The following GALNTL6 variants were observed in gnomAD, a reference collection of about 807,000 sequenced individuals.
GALNTL6 encodes polypeptide N-acetylgalactosaminyltransferase like 6.
Under a neutral mutation model 73.7 loss-of-function variants are expected in GALNTL6, and 46 were observed. The observed-to-expected ratio is 0.62, with a 90% CI of 0.49 to 0.80. The LOEUF (loss-of-function observed/expected upper bound fraction) is 0.80. Ranked by LOEUF, GALNTL6 falls within the 30% of genes least tolerant of loss-of-function variation. The pLI is 0.00. For synonymous variants in GALNTL6, 259 were observed against 263.7 expected, an observed-to-expected ratio of 0.98 and a Z score of 0.17; for missense variants, 604 against 755.0, an observed-to-expected ratio of 0.80 and a Z score of 2.34.
chr4:172,598,291 T>C (rs1737937805), intron 5 of GALNTL6, among the ~76,000 whole-genome samples: 1 of 152,158 alleles, frequency 6.6e-6, no homozygotes, highest in Non-Finnish European at 1.5e-5. Context: ...TAAGAGAACC[T>C]GTCATTTTTC....
At chr4:172,500,116 C>T (rs1734208361) in intron 5 of GALNTL6, among the ~76,000 whole-genome samples, 1 of 152,134 alleles carries the variant, frequency 6.6e-6, no homozygotes, top group Non-Finnish European at 1.5e-5. Context: ...CAAGACATAT[C>T]ATTGTTAAAC....
intron 8 of GALNTL6, among the ~76,000 whole-genome samples, chr4:172,912,656 G>A (rs1008164268): frequency 1.2e-4 from 19 of 152,178 alleles, no homozygotes; most frequent in Admixed American, 2.0e-4. Flanking sequence ...AGGCCGCAGC[G>A]AGGGTGGGGG....
chr4:172,755,249 G>GATAGATAGATAC (rs1737685578), intron 5 of GALNTL6, among the ~76,000 whole-genome samples: 1 of 150,232 alleles, frequency 6.7e-6, no homozygotes, highest in South Asian at 2.1e-4. Flanking sequence ...TAGATAGATA[G>GATAGATAGATAC]ATAGATAGAT....
chr4:172,229,585 C>T, intron 2 of GALNTL6, 71 bp from the exon 3 acceptor site: 1 of 828,752 alleles, frequency 1.2e-6, no homozygotes, highest in Non-Finnish European at 2.0e-6. Flanking sequence ...TATTATGTGC[C>T]CGGCTGTGTT....
chr4:171,971,280 A>G (rs1288431940), intron 2 of GALNTL6, among the ~76,000 whole-genome samples: 1 of 152,188 alleles, frequency 6.6e-6, no homozygotes, highest in Non-Finnish European at 1.5e-5. Flanking sequence ...CCTCTGAATG[A>G]AGGCCTAGAA....
At chr4:172,206,012 GA>G (rs1736099123) in intron 2 of GALNTL6, among the ~76,000 whole-genome samples, 1 of 152,016 alleles carries the variant, frequency 6.6e-6, no homozygotes, top group South Asian at 2.1e-4. Context: ...GTAGAGCAGG[GA>G]AAGAATATGT....
intron 3 of GALNTL6, among the ~76,000 whole-genome samples, chr4:172,293,321 A>G (rs865851496): frequency 1.4e-4 from 21 of 152,174 alleles, no homozygotes; most frequent in Non-Finnish European, 7.3e-5. Context: ...ATCATGTGCA[A>G]TTACATAATA....
intron 2 of GALNTL6, among the ~76,000 whole-genome samples, chr4:171,895,957 G>A (rs1034501018): frequency 1.3e-5 from 2 of 151,420 alleles, no homozygotes; most frequent in Admixed American, 6.6e-5. Context: ...ACAGCAGAAT[G>A]GAGTCAGCAG....
intron 2 of GALNTL6, among the ~76,000 whole-genome samples, chr4:172,227,342 G>A (rs1736901472): frequency 6.6e-6 from 1 of 152,134 alleles, no homozygotes; most frequent in South Asian, 2.1e-4. Context: ...AACAACATAG[G>A]CTAACATGGA....
At chr4:171,827,800 G>A (rs1734863521) in intron 2 of GALNTL6, among the ~76,000 whole-genome samples, 1 of 152,004 alleles carries the variant, frequency 6.6e-6, no homozygotes, top group Non-Finnish European at 1.5e-5. Flanking sequence ...TCAATTGAAT[G>A]CTAAGTATAG....
chr4:171,982,489 G>A (rs890410674), intron 2 of GALNTL6, among the ~76,000 whole-genome samples: 6 of 152,072 alleles, frequency 3.9e-5, no homozygotes, highest in South Asian at 2.1e-4. Flanking sequence ...CATTAGAGAC[G>A]GGGTTTCACT....
At chr4:172,937,825 G>C (rs1407808302) in intron 9 of GALNTL6, among the ~76,000 whole-genome samples, 1 of 152,050 alleles carries the variant, frequency 6.6e-6, no homozygotes, top group Non-Finnish European at 1.5e-5. Flanking sequence ...ATCTTATATA[G>C]TTCACTATTT....
At chr4:171,955,125 A>G (rs943323044) in intron 2 of GALNTL6, among the ~76,000 whole-genome samples, 11 of 152,176 alleles carry the variant, frequency 7.2e-5, no homozygotes, top group African/African-American at 2.2e-4. Flanking sequence ...TTGACAGTCA[A>G]TGTAAGGCTG....
chr4:172,263,991 G>A (rs556976733), intron 3 of GALNTL6, among the ~76,000 whole-genome samples: 1 of 151,542 alleles, frequency 6.6e-6, no homozygotes, highest in South Asian at 2.1e-4. Context: ...TCTTAGCTTT[G>A]TTTCTATAGA....
chr4:172,375,658 C>T (rs925876482), intron 5 of GALNTL6, among the ~76,000 whole-genome samples: 2 of 152,176 alleles, frequency 1.3e-5, no homozygotes, highest in African/African-American at 4.8e-5. Context: ...GACGCAGCAG[C>T]AGAAACACTA....
At chr4:173,039,296 C>A (rs1753811533) in intron 12 of GALNTL6, among the ~76,000 whole-genome samples, 1 of 152,206 alleles carries the variant, frequency 6.6e-6, no homozygotes. Context: ...AGCTCAAGAA[C>A]TAGCAAATTT....
At chr4:171,893,325 CA>C (rs151181668) in intron 2 of GALNTL6, among the ~76,000 whole-genome samples, 2,155 of 152,238 alleles carry the variant, frequency 0.014, 46 homozygotes, top group African/African-American at 0.049. Flanking sequence ...AACCTCAAAA[CA>C]ACTATGTAAG....
chr4:172,004,502 GATTA>G (rs1175100105), intron 2 of GALNTL6, among the ~76,000 whole-genome samples: 1 of 151,854 alleles, frequency 6.6e-6, no homozygotes, highest in African/African-American at 2.4e-5. Context: ...AGATCCATTG[GATTA>G]ATTATTTTAC....
In GALNTL6 at chr4:173,040,222, C is replaced by T. The variant is rs2126549414; in HGVS notation, c.*122C>T. The T allele has an allele frequency of 3.0e-6, 2 of 676,794 alleles. No homozygotes were observed. Among genetic ancestry groups the T allele is most frequent in the South Asian group, 2.3e-5 (1 of 43,034 alleles). The allele number at this position is 676,794 out of a possible 1,614,324, so 41.9% of individuals were successfully genotyped here. On this transcript the variant is annotated 3_prime_UTR_variant, in exon 13 of 13. Coordinates refer to ENST00000506823, the MANE Select transcript of GALNTL6 (RefSeq NM_001034845.3). ...CCAGGAAGGCTGGTTTAAAAATTTG[C>T]AAATGCCATGTCAAAGTAGGTTGTT...
Sources: gnomAD v4.1 joint callset for allele counts (sites outside exome capture counted in the v4.1 genomes callset) on GRCh38, gnomAD v4.1.1 for gene constraint, MANE v1.5 for transcripts, NCBI Gene and HGNC (gene_info 2026-07-23, HGNC 2026-07-21) for gene names.